SGPP2: variants seen among roughly 807,000 people sequenced by gnomAD.
SGPP2 encodes sphingosine-1-phosphate phosphatase 2.
A neutral mutation model predicts 33.9 loss-of-function variants in SGPP2; 30 were observed. That is an observed-to-expected ratio of 0.89 (90% CI 0.66 to 1.20). The LOEUF (loss-of-function observed/expected upper bound fraction) is 1.20. SGPP2 is among the 50% of genes most tolerant of loss of function. SGPP2 has a pLI of 0.00. For synonymous variants in SGPP2, 233 were observed against 225.0 expected (o/e 1.04, Z -0.32); for missense variants, 458 against 532.1 (o/e 0.86, Z 1.37).
intron 2 of SGPP2, among the ~76,000 whole-genome samples, chr2:222,516,412 T>A (rs1698603818): frequency 6.6e-6 from 1 of 152,258 alleles, no homozygotes; most frequent in Non-Finnish European, 1.5e-5. Context: ...CCACAATTTG[T>A]GTACTTACCT....
intron 4 of SGPP2, among the ~76,000 whole-genome samples, chr2:222,532,230 C>T (rs945535690): frequency 7.3e-5 from 11 of 151,706 alleles, no homozygotes; most frequent in African/African-American, 1.5e-4. Flanking sequence ...GCCGAGATCG[C>T]GCCATTGCAC....
At chr2:222,431,368 T>C (rs1183271354) in intron 1 of SGPP2, among the ~76,000 whole-genome samples, 1 of 151,834 alleles carries the variant, frequency 6.6e-6, no homozygotes, top group African/African-American at 2.4e-5. Context: ...TAGCCAGGTG[T>C]GGTGGCACAC....
intron 1 of SGPP2, among the ~76,000 whole-genome samples, chr2:222,429,968 A>G (rs1697127658): frequency 1.3e-5 from 2 of 152,244 alleles, no homozygotes; most frequent in African/African-American, 2.4e-5. Flanking sequence ...CTTCATTTCC[A>G]GTCAACATCC....
intron 1 of SGPP2, among the ~76,000 whole-genome samples, chr2:222,457,291 C>T (rs982906662): frequency 7.3e-5 from 11 of 151,678 alleles, no homozygotes; most frequent in Non-Finnish European, 1.0e-4. Context: ...ATTTTGGAGC[C>T]AGAATAAATT....
intron 4 of SGPP2, among the ~76,000 whole-genome samples, chr2:222,526,339 G>C (rs778589607): frequency 6.6e-6 from 1 of 152,150 alleles, no homozygotes; most frequent in Non-Finnish European, 1.5e-5. Flanking sequence ...TCAGATCTTG[G>C]AAATAAGAAA....
At chr2:222,501,223 A>T (rs772058971) in intron 2 of SGPP2, among the ~76,000 whole-genome samples, 13 of 152,164 alleles carry the variant, frequency 8.5e-5, no homozygotes, top group Non-Finnish European at 1.8e-4. Context: ...CTAACTGTTC[A>T]TGGGACAGGA....
At chr2:222,430,695 A>G (rs1019866446) in intron 1 of SGPP2, among the ~76,000 whole-genome samples, 1 of 152,194 alleles carries the variant, frequency 6.6e-6, no homozygotes, top group Non-Finnish European at 1.5e-5. Flanking sequence ...AGGGGGAAAA[A>G]AGTAATTTTA....
chr2:222,445,201 C>T (rs4416206), intron 1 of SGPP2, among the ~76,000 whole-genome samples: 112,133 of 152,104 alleles, frequency 0.74, 41,597 homozygotes, highest in Middle Eastern at 0.86. Context: ...CCTTGAACCT[C>T]AGAGCAGGGG....
At chr2:222,500,873 A>T (rs979762918) in intron 2 of SGPP2, among the ~76,000 whole-genome samples, 2 of 152,208 alleles carry the variant, frequency 1.3e-5, no homozygotes, top group African/African-American at 4.8e-5. Context: ...TTCACCATGA[A>T]ATGGTGCTTC....
In SGPP2 at chr2:222,560,670, T is replaced by C. The variant is rs1485559326; in HGVS notation, c.*1772T>C. 1.3e-5 allele frequency: 2 copies of C among 150,250 alleles called. No individual in the cohort carries two copies. The highest frequency in any genetic ancestry group is 2.9e-5 in the Non-Finnish European group (2 of 67,800). The allele number at this position is 150,250 out of a possible 1,614,324, so 9.3% of individuals were successfully genotyped here. On this transcript the variant is annotated 3_prime_UTR_variant, in exon 5 of 5. Transcript: ENST00000321276. Reference sequence around the variant, plus strand: ...ACACATCATCACCATGTGCATACTCTAGAAAAAAAAATAGCTTCCTTAAAA... The same window carrying C: ...ACACATCATCACCATGTGCATACTCCAGAAAAAAAAATAGCTTCCTTAAAA...
chr2:222,558,503 T>C lies in SGPP2; in HGVS notation c.805T>C (p.Tyr269His), dbSNP rs143704514. The change falls in exon 5 of 5, where the codon TAC (tyrosine) becomes CAC (histidine). Residue 269 changes from tyrosine to histidine, a missense_variant. Coordinates refer to ENST00000321276, the MANE Select transcript of SGPP2 (RefSeq NM_152386.4). ...FLCYNYPVSDYYSPTRADTTT... is the reference protein window; with the variant it reads ...FLCYNYPVSDHYSPTRADTTT... Reference sequence around the variant, plus strand: ...GTGTTACAATTACCCTGTTTCTGATTACTACAGCCCAACCCGGGCGGACAC... The same window carrying C: ...GTGTTACAATTACCCTGTTTCTGATCACTACAGCCCAACCCGGGCGGACAC... 53 of 1,614,042 alleles carry C rather than the reference T, an allele frequency of 3.3e-5. No individual in the cohort carries two copies. The highest frequency in any genetic ancestry group is 4.2e-5 in the Non-Finnish European group (50 of 1,180,022).
At chr2:222,509,269 C>T (rs1314484689) in intron 2 of SGPP2, among the ~76,000 whole-genome samples, 1 of 152,000 alleles carries the variant, frequency 6.6e-6, no homozygotes, top group East Asian at 1.9e-4. Context: ...TGATGGGTGT[C>T]CCAGTTGTCC....
intron 2 of SGPP2, among the ~76,000 whole-genome samples, chr2:222,488,029 C>T (rs1364524131): frequency 6.6e-6 from 1 of 152,154 alleles, no homozygotes; most frequent in Non-Finnish European, 1.5e-5. Flanking sequence ...TCAGAACACA[C>T]ATTCAGGTGC....
At chr2:222,441,293 C>G (rs1024704695) in intron 1 of SGPP2, among the ~76,000 whole-genome samples, 4 of 152,096 alleles carry the variant, frequency 2.6e-5, no homozygotes, top group African/African-American at 9.7e-5. Context: ...GTTCTTCTCC[C>G]ACAAGTAGTT....
chr2:222,549,245 C>T (rs960053580), intron 4 of SGPP2, among the ~76,000 whole-genome samples: 2 of 152,222 alleles, frequency 1.3e-5, no homozygotes, highest in Non-Finnish European at 2.9e-5. Context: ...TTTGTTCTCT[C>T]CCTTTCTTTC....
intron 2 of SGPP2, among the ~76,000 whole-genome samples, chr2:222,478,132 G>A (rs1399343651): frequency 6.7e-6 from 1 of 148,390 alleles, no homozygotes; most frequent in Non-Finnish European, 1.5e-5. Flanking sequence ...GTGCGTTCCT[G>A]CCAGTGCCTG....
chr2:222,440,470 G>A (rs1179091543), intron 1 of SGPP2, among the ~76,000 whole-genome samples: 1 of 151,768 alleles, frequency 6.6e-6, no homozygotes, highest in African/African-American at 2.4e-5. Context: ...AGCCTCCCGA[G>A]TAGCTGGGAC....
chr2:222,453,074 T>C (rs1400384317), intron 1 of SGPP2: 4 of 1,227,274 alleles, frequency 3.3e-6, no homozygotes, highest in Non-Finnish European at 4.8e-6. Flanking sequence ...TCTGCAGCAG[T>C]GGGTTGTTTG....
In SGPP2 at chr2:222,460,720, G is replaced by A. The variant is rs1156449024; in HGVS notation, c.220-13848G>A. Among the ~76,000 whole-genome samples the A allele has an allele frequency of 6.6e-6, 1 of 152,068 alleles. No individual in the cohort carries two copies. Among genetic ancestry groups the A allele is most frequent in the Non-Finnish European group, 1.5e-5 (1 of 68,010 alleles). On this transcript the variant is annotated intron_variant, in intron 1 of 4. Coordinates refer to ENST00000321276, the MANE Select transcript of SGPP2 (RefSeq NM_152386.4). The surrounding 1 kb of genome is among the most constrained non-coding windows in gnomAD (Gnocchi z 4.3). ...CCCTTTACAAATCCCTCACACCCTG[G>A]CTGCTCTGTCGTGGACCAGGTACTG...
Sources: gnomAD v4.1 joint callset for allele counts (sites outside exome capture counted in the v4.1 genomes callset) on GRCh38, gnomAD v4.1.1 for gene constraint, Gnocchi (gnomAD v3.1) non-coding constraint, MANE v1.5 for transcripts, NCBI Gene and HGNC (gene_info 2026-07-23, HGNC 2026-07-21) for gene names.